The following SH3PXD2B variants were observed in gnomAD, a reference collection of about 807,000 sequenced individuals.
SH3PXD2B encodes SH3 and PX domains 2B, also known as SH3 and PX domain-containing protein 2B.
In SH3PXD2B, 37 loss-of-function variants were observed where a neutral mutation model predicts 73.1. That is an observed-to-expected ratio of 0.51 (90% CI 0.39 to 0.67). The LOEUF (loss-of-function observed/expected upper bound fraction) is 0.67, where lower values mean the gene tolerates loss of function less well. SH3PXD2B is among the 30% of genes least tolerant of loss of function. SH3PXD2B has a pLI of 0.00. For synonymous variants in SH3PXD2B, 457 were observed against 480.5 expected, an observed-to-expected ratio of 0.95 and a Z score of 0.64; for missense variants, 1,053 against 1,197.8, an observed-to-expected ratio of 0.88 and a Z score of 1.78.
At chr5:172,365,780 T>C (rs569632564) in intron 6 of SH3PXD2B, among the ~76,000 whole-genome samples, 1 of 152,004 alleles carries the variant, frequency 6.6e-6, no homozygotes, top group Admixed American at 6.5e-5. Flanking sequence ...ACTAGCTCTT[T>C]GAAGGTGCTG....
chr5:172,394,690 C>A (rs1314286280), intron 3 of SH3PXD2B, 51 bp from the exon 4 acceptor site: 6 of 1,594,876 alleles, frequency 3.8e-6, no homozygotes, highest in Non-Finnish European at 5.1e-6. Flanking sequence ...GGGACAAGCT[C>A]TCAGCAACCT....
chr5:172,423,548 G>T (rs5020260), intron 1 of SH3PXD2B, among the ~76,000 whole-genome samples: 3 of 120,226 alleles, frequency 2.5e-5, no homozygotes, highest in Non-Finnish European at 5.4e-5. Context: ...ACGGGGTTGG[G>T]GGGGGGGGCG....
intron 4 of SH3PXD2B, among the ~76,000 whole-genome samples, chr5:172,384,107 G>C (rs1758007610): frequency 6.6e-6 from 1 of 152,034 alleles, no homozygotes. Flanking sequence ...GGCTCCCAAA[G>C]TGCTGGGATT....
Position 172,338,998 on chromosome 5 carries a change from C to G in SH3PXD2B, c.2107G>C (p.Gly703Arg). ...DVAFSRSFLP[G>R]EGPGRAQDRT... Reference sequence around the variant, plus strand: ...TCCTGGGCGCGGCCAGGCCCCTCTCCTGGGAGGAAGCTTCGGCTGAAGGCC... The same window carrying G: ...TCCTGGGCGCGGCCAGGCCCCTCTCGTGGGAGGAAGCTTCGGCTGAAGGCC... The change falls in exon 13 of 13, where the codon GGA (glycine) becomes CGA (arginine). Residue 703 changes from glycine (G) to arginine (R), a missense_variant. Coordinates refer to ENST00000311601, the MANE Select transcript of SH3PXD2B (RefSeq NM_001017995.3). The surrounding 1 kb of genome is among the most constrained non-coding windows in gnomAD (Gnocchi z 5.1). 6.2e-7 allele frequency: 1 copy of G among 1,614,154 alleles called. No individual in the cohort carries two copies. Among genetic ancestry groups the G allele is most frequent in the Non-Finnish European group, 8.5e-7 (1 of 1,179,974 alleles).
At chr5:172,408,809 C>T (rs1226011233) in intron 2 of SH3PXD2B, among the ~76,000 whole-genome samples, 1 of 151,648 alleles carries the variant, frequency 6.6e-6, no homozygotes, top group Non-Finnish European at 1.5e-5. Flanking sequence ...CAGACATGAG[C>T]CACCACGCCT....
At chr5:172,413,219 G>A (rs534528771) in intron 2 of SH3PXD2B, among the ~76,000 whole-genome samples, 3 of 152,240 alleles carry the variant, frequency 2.0e-5, no homozygotes, top group Non-Finnish European at 4.4e-5. Context: ...CTGGGGCAGG[G>A]CTTTCAGGGC....
intron 1 of SH3PXD2B, among the ~76,000 whole-genome samples, chr5:172,450,667 C>T (rs943195572): frequency 2.0e-5 from 3 of 152,028 alleles, no homozygotes; most frequent in Admixed American, 6.5e-5. Context: ...CTCCTGCTGC[C>T]GAGACACTAA....
intron 1 of SH3PXD2B, among the ~76,000 whole-genome samples, chr5:172,425,586 G>T (rs1022876706): frequency 1.3e-5 from 2 of 152,122 alleles, no homozygotes; most frequent in Non-Finnish European, 2.9e-5. Context: ...GAACAGGAGA[G>T]TATGACAGCT....
chr5:172,391,905 T>C (rs140969322), intron 4 of SH3PXD2B, among the ~76,000 whole-genome samples: 228 of 152,378 alleles, frequency 1.5e-3, no homozygotes, highest in African/African-American at 5.3e-3. Flanking sequence ...AAGGTCGTGA[T>C]GAGTTTCTCC....
intron 6 of SH3PXD2B, among the ~76,000 whole-genome samples, chr5:172,369,782 C>T (rs1757661518): frequency 6.6e-6 from 1 of 152,060 alleles, no homozygotes; most frequent in Admixed American, 6.6e-5. Flanking sequence ...AACAAACAAA[C>T]TAACAAAAAA....
intron 6 of SH3PXD2B, among the ~76,000 whole-genome samples, chr5:172,366,306 T>G (rs968168729): frequency 3.9e-5 from 6 of 152,152 alleles, no homozygotes; most frequent in African/African-American, 1.4e-4. Flanking sequence ...GGGAGGCAGA[T>G]CCTGTAACTG....
chr5:172,325,318 C>A (rs1374664898), exon 13 of SH3PXD2B: 5 of 1,535,554 alleles, frequency 3.3e-6, no homozygotes, highest in Non-Finnish European at 4.4e-6. Flanking sequence ...CAAGTGCTGT[C>A]CGCATCTTGA....
intron 12 of SH3PXD2B, among the ~76,000 whole-genome samples, chr5:172,341,729 C>T (rs866373408): frequency 2.0e-5 from 3 of 152,226 alleles, no homozygotes; most frequent in Middle Eastern, 3.2e-3. Context: ...CGGCTCACTG[C>T]AGGCTCCGCC....
chr5:172,338,699 T>TGGAGGGACGA lies in SH3PXD2B; in HGVS notation c.2396_2405dup (p.Lys803ArgfsTer18), dbSNP rs1333820503. 1 of 1,614,170 alleles carries TGGAGGGACGA rather than the reference T, an allele frequency of 6.2e-7. No individual in the cohort carries two copies. The highest frequency in any genetic ancestry group is 8.5e-7 in the Non-Finnish European group (1 of 1,180,020). ...AGTTGGAGAGAAAAGGTTTGGCTTT[T>TGGAGGGACGA]GGAGGGACGAGGAGAGCACGGCCTG... On this transcript the variant is annotated frameshift_variant, in exon 13 of 13. Coordinates refer to ENST00000311601, the MANE Select transcript of SH3PXD2B (RefSeq NM_001017995.3). LOFTEE classifies it low-confidence loss of function (END_TRUNC). This position sits in a 1 kb window ranked among gnomAD's most constrained non-coding sequence, Gnocchi z 5.1.
At position 172,339,129 on chromosome 5, in the gene SH3PXD2B, T is replaced by G. The variant is rs781465468; in HGVS notation, c.1976A>C (p.Asp659Ala). The change falls in exon 13 of 13, where the codon GAC (aspartate) becomes GCC (alanine). Residue 659 changes from aspartate (D) to alanine (A), a missense_variant. Coordinates refer to ENST00000311601, the MANE Select transcript of SH3PXD2B (RefSeq NM_001017995.3). This position sits in a 1 kb window ranked among gnomAD's most constrained non-coding sequence, Gnocchi z 6.1. Reference protein sequence around the residue: ...SPKTEPPQGEDQVDICNLRSK... With the variant: ...SPKTEPPQGEAQVDICNLRSK... ...CCTGAGGTTGCAGATGTCGACTTGGTCTTCGCCCTGAGGTGGCTCCGTTTT... is the reference window on the plus strand; with the variant it reads ...CCTGAGGTTGCAGATGTCGACTTGGGCTTCGCCCTGAGGTGGCTCCGTTTT... 8 of 1,614,242 alleles carry G rather than the reference T, an allele frequency of 5.0e-6. No homozygotes were observed. The highest frequency in any genetic ancestry group is 6.8e-6 in the Non-Finnish European group (8 of 1,180,042).
intron 6 of SH3PXD2B, among the ~76,000 whole-genome samples, chr5:172,371,050 G>T (rs964944968): frequency 6.6e-6 from 1 of 152,132 alleles, no homozygotes; most frequent in African/African-American, 2.4e-5. Context: ...ACATTGGAAG[G>T]GTGATTTTTA....
At chr5:172,409,931 G>T (rs1223446279) in intron 2 of SH3PXD2B, among the ~76,000 whole-genome samples, 1 of 152,162 alleles carries the variant, frequency 6.6e-6, no homozygotes, top group African/African-American at 2.4e-5. Context: ...GGTCAGGCTA[G>T]TCTTGAACTC....
At position 172,347,258 on chromosome 5, in the gene SH3PXD2B, T is replaced by G. The variant is rs747918563; in HGVS notation, c.1062+25A>C. The G allele has an allele frequency of 2.5e-6, 4 of 1,613,684 alleles. No homozygotes were observed. The Admixed American group carries it at 6.7e-5, about 27-fold the overall frequency. On this transcript the variant is annotated intron_variant, in intron 11 of 12. Transcript: ENST00000311601. ...TCACAGCCCTCAAGTCAGTGGCCAC[T>G]CCCCAGTAGCGAGGATCCACTTACA...
In SH3PXD2B at chr5:172,346,280, GGGTT is replaced by G; in HGVS notation, c.1063-23_1063-20del. 1.2e-6 allele frequency: 2 copies of G among 1,613,382 alleles called. No homozygotes were observed. Among genetic ancestry groups the G allele is most frequent in the Non-Finnish European group, 1.7e-6 (2 of 1,179,858 alleles). Reference sequence around the variant, plus strand: ...CTCGAGGCTGGTACGATCACACACAGGGTTATCTCCAAGGCTAAGTGCACTCCTG... The same window carrying G: ...CTCGAGGCTGGTACGATCACACACAGATCTCCAAGGCTAAGTGCACTCCTG... On this transcript the variant is annotated intron_variant, in intron 11 of 12. Coordinates refer to ENST00000311601, the MANE Select transcript of SH3PXD2B (RefSeq NM_001017995.3).
Sources: allele counts gnomAD v4.1 joint callset (sites outside exome capture counted in the v4.1 genomes callset), GRCh38; gene constraint gnomAD v4.1.1; non-coding constraint Gnocchi (gnomAD v3.1); transcripts MANE v1.5; gene names NCBI Gene and HGNC (gene_info 2026-07-23, HGNC 2026-07-21).